SLC16A10: variants seen among roughly 807,000 people sequenced by gnomAD.
SLC16A10 encodes the protein monocarboxylate transporter 10.
In SLC16A10, 27 loss-of-function variants were observed where a neutral mutation model predicts 40.0. That is an observed-to-expected ratio of 0.67 (90% CI 0.50 to 0.93). The LOEUF (loss-of-function observed/expected upper bound fraction) is 0.93, where lower values mean the gene tolerates loss of function less well. Among genes scored for constraint, SLC16A10 ranks in the 40% least tolerant of loss-of-function variants. The pLI is 0.00. For synonymous variants in SLC16A10, 213 were observed against 249.8 expected, an observed-to-expected ratio of 0.85 and a Z score of 1.39; for missense variants, 529 against 658.2, an observed-to-expected ratio of 0.80 and a Z score of 2.15.
chr6:111,096,690 CT>C (rs1771080278), intron 1 of SLC16A10, among the ~76,000 whole-genome samples: 1 of 152,106 alleles, frequency 6.6e-6, no homozygotes, highest in Admixed American at 6.5e-5. Flanking sequence ...AGTAAGAAGT[CT>C]TTTTTCATTT....
intron 4 of SLC16A10, among the ~76,000 whole-genome samples, chr6:111,211,551 C>T (rs1450094267): frequency 1.3e-5 from 2 of 152,206 alleles, no homozygotes; most frequent in Non-Finnish European, 2.9e-5. Flanking sequence ...GTAGCACATG[C>T]TGAGTCACAG....
chr6:111,105,072 A>G (rs1771259995), intron 1 of SLC16A10, among the ~76,000 whole-genome samples: 1 of 152,058 alleles, frequency 6.6e-6, no homozygotes, highest in East Asian at 1.9e-4. Flanking sequence ...ATTTGACATG[A>G]CTGCTAAAGA....
chr6:111,167,419 G>A (rs1414864476), intron 1 of SLC16A10, among the ~76,000 whole-genome samples: 1 of 152,144 alleles, frequency 6.6e-6, no homozygotes, highest in Non-Finnish European at 1.5e-5. Context: ...AGTTGTAAAA[G>A]TGGCCAAGTG....
intron 1 of SLC16A10, among the ~76,000 whole-genome samples, chr6:111,115,941 T>A (rs991235161): frequency 6.6e-6 from 1 of 152,164 alleles, no homozygotes; most frequent in African/African-American, 2.4e-5. Flanking sequence ...ATCATACTAC[T>A]TGTAGGGACC....
intron 1 of SLC16A10, among the ~76,000 whole-genome samples, chr6:111,146,625 T>C (rs2114509981): frequency 6.6e-6 from 1 of 152,072 alleles, no homozygotes; most frequent in South Asian, 2.1e-4. Flanking sequence ...TAGTCCCAGC[T>C]ACTCGGGAGG....
At chr6:111,134,923 C>G (rs910770290) in intron 1 of SLC16A10, among the ~76,000 whole-genome samples, 1 of 152,186 alleles carries the variant, frequency 6.6e-6, no homozygotes, top group African/African-American at 2.4e-5. Context: ...TAACTGTCTC[C>G]TGGACACTGG....
At chr6:111,201,580 A>G (rs1015846028) in intron 3 of SLC16A10, among the ~76,000 whole-genome samples, 1 of 152,216 alleles carries the variant, frequency 6.6e-6, no homozygotes, top group African/African-American at 2.4e-5. Context: ...CCAGTATTTT[A>G]TCATATTTAT....
intron 3 of SLC16A10, among the ~76,000 whole-genome samples, chr6:111,182,950 T>G (rs995995094): frequency 2.0e-5 from 3 of 152,224 alleles, no homozygotes; most frequent in South Asian, 2.1e-4. Context: ...ACCCCTAGCC[T>G]GGATCACTGC....
intron 1 of SLC16A10, among the ~76,000 whole-genome samples, chr6:111,095,986 G>T (rs1312777448): frequency 1.3e-5 from 2 of 152,154 alleles, no homozygotes; most frequent in African/African-American, 2.4e-5. Flanking sequence ...TAGCCTTGTG[G>T]TATGTCATTA....
At position 111,227,495 on chromosome 6, in the gene SLC16A10, T is replaced by G; in HGVS notation, c.*5260T>G. On this transcript the variant is annotated 3_prime_UTR_variant, in exon 6 of 6. Transcript: ENST00000368851. The stretch of plus-strand genomic sequence containing the variant: ...GAGACAGTAAAGACTCCTGGAAAAT[T>G]CATGACATCTTTGAATCACTCAGAA... 6.6e-6 allele frequency: 1 copy of G among 152,202 alleles called. No homozygotes were observed. Among genetic ancestry groups the G allele is most frequent in the Non-Finnish European group, 1.5e-5 (1 of 68,030 alleles). 9.4% of individuals were successfully genotyped at this position (152,202 alleles called of 1,614,324 possible). A position where few individuals can be genotyped will look rare whatever the true frequency, so the allele number is the denominator to read the frequency against.
chr6:111,199,408 G>A (rs1339256035), intron 3 of SLC16A10, among the ~76,000 whole-genome samples: 7 of 147,228 alleles, frequency 4.8e-5, no homozygotes, highest in African/African-American at 7.6e-5. Flanking sequence ...GCAGTGAGCC[G>A]AGATCACACC....
intron 1 of SLC16A10, among the ~76,000 whole-genome samples, chr6:111,131,684 G>T (rs921469797): frequency 1.6e-4 from 25 of 152,188 alleles, no homozygotes; most frequent in African/African-American, 5.6e-4. Flanking sequence ...AACCCTTCTG[G>T]GTTGGGAGCG....
intron 1 of SLC16A10, among the ~76,000 whole-genome samples, chr6:111,168,089 C>T (rs551662045): frequency 6.6e-6 from 1 of 152,162 alleles, no homozygotes; most frequent in South Asian, 2.1e-4. Context: ...AAGCGATTCT[C>T]ATTACTCAGC....
intron 1 of SLC16A10, among the ~76,000 whole-genome samples, chr6:111,164,118 G>C (rs1206913628): frequency 1.3e-5 from 2 of 152,038 alleles, no homozygotes; most frequent in Non-Finnish European, 2.9e-5. Flanking sequence ...TCTTTTGCAA[G>C]ATTAATTTTT....
intron 1 of SLC16A10, among the ~76,000 whole-genome samples, chr6:111,120,057 G>A (rs985107688): frequency 1.3e-5 from 2 of 152,222 alleles, no homozygotes; most frequent in Non-Finnish European, 2.9e-5. Context: ...ATAAAAAAGT[G>A]TGGTCATGAC....
chr6:111,139,080 T>TCTTC (rs1554257714), intron 1 of SLC16A10, among the ~76,000 whole-genome samples: 1 of 129,038 alleles, frequency 7.7e-6, no homozygotes, highest in African/African-American at 2.9e-5. Flanking sequence ...GGCTTTTTTT[T>TCTTC]TTCTTCTTCT....
chr6:111,160,615 C>T (rs879610534), intron 1 of SLC16A10, among the ~76,000 whole-genome samples: 27 of 152,360 alleles, frequency 1.8e-4, no homozygotes, highest in South Asian at 4.1e-4. Context: ...CTTCTACTGA[C>T]GTTCAGCGGT....
intron 1 of SLC16A10, among the ~76,000 whole-genome samples, chr6:111,088,607 C>A (rs1025233892): frequency 6.6e-6 from 1 of 152,092 alleles, no homozygotes; most frequent in African/African-American, 2.4e-5. Context: ...CACTGGAGTT[C>A]CAAAGGGGGC....
chr6:111,173,576 A>T (rs1488926212), intron 2 of SLC16A10: 10 of 152,170 alleles, frequency 6.6e-5, no homozygotes, highest in South Asian at 2.1e-4. Flanking sequence ...CATTACTTGC[A>T]TTACCACCTG....
Sources: allele counts gnomAD v4.1 joint callset (sites outside exome capture counted in the v4.1 genomes callset), GRCh38; gene constraint gnomAD v4.1.1; transcripts MANE v1.5; gene names NCBI Gene and HGNC (gene_info 2026-07-23, HGNC 2026-07-21).